The following GABRG1 variants were observed in gnomAD, a reference collection of about 807,000 sequenced individuals.
GABRG1 encodes gamma-aminobutyric acid receptor subunit gamma-1.
Under a neutral mutation model 49.8 loss-of-function variants are expected in GABRG1, and 49 were observed. The ratio of observed to expected loss-of-function variants is 0.98; its 90% CI spans 0.78 to 1.25. The LOEUF is 1.25. Ranked by LOEUF, GABRG1 falls within the 50% of genes most tolerant of loss-of-function variation. The probability of loss-of-function intolerance (pLI) is 0.00; values close to 1 mark genes in which losing one functional copy is unlikely to be tolerated. For missense variants in GABRG1, 552 were observed against 552.3 expected, an observed-to-expected ratio of 1.00 and a Z score of 0.01; for synonymous variants, 232 against 185.1, an observed-to-expected ratio of 1.25 and a Z score of -2.06.
intron 3 of GABRG1, among the ~76,000 whole-genome samples, chr4:46,069,204 A>G (rs1719027613): frequency 6.6e-6 from 1 of 152,044 alleles, no homozygotes; most frequent in Non-Finnish European, 1.5e-5. Flanking sequence ...CAATTAACCT[A>G]GGTGCATAAT....
intron 7 of GABRG1, among the ~76,000 whole-genome samples, chr4:46,052,136 A>G (rs1003287148): frequency 6.6e-6 from 1 of 151,834 alleles, no homozygotes; most frequent in African/African-American, 2.4e-5. Context: ...AAAACATTAG[A>G]TAATATTGGA....
At chr4:46,068,572 A>T (rs1023284568) in intron 3 of GABRG1, among the ~76,000 whole-genome samples, 1 of 152,042 alleles carries the variant, frequency 6.6e-6, no homozygotes, top group Non-Finnish European at 1.5e-5. Context: ...GAAGAGAAAG[A>T]CTCAGAGCAT....
chr4:46,106,697 TC>T (rs2109437701), intron 1 of GABRG1, among the ~76,000 whole-genome samples: 1 of 151,508 alleles, frequency 6.6e-6, no homozygotes. Context: ...ACCTAACACC[TC>T]CTTTCCTTGT....
chr4:46,077,714 A>G (rs962658861), intron 3 of GABRG1, among the ~76,000 whole-genome samples: 1 of 151,892 alleles, frequency 6.6e-6, no homozygotes, highest in African/African-American at 2.4e-5. Flanking sequence ...AAAGGATGAC[A>G]TATCTTTTCT....
intron 2 of GABRG1, among the ~76,000 whole-genome samples, chr4:46,085,973 A>G (rs1416268996): frequency 1.3e-5 from 2 of 151,616 alleles, no homozygotes; most frequent in Admixed American, 6.6e-5. Context: ...AGCACAGACT[A>G]TGTTTAATTC....
intron 2 of GABRG1, among the ~76,000 whole-genome samples, chr4:46,087,027 T>G (rs1232170365): frequency 6.6e-6 from 1 of 151,760 alleles, no homozygotes; most frequent in Non-Finnish European, 1.5e-5. Flanking sequence ...TTCTCATAAA[T>G]GTACCAACTG....
chr4:46,113,152 T>C (rs914143664), intron 1 of GABRG1, among the ~76,000 whole-genome samples: 2 of 151,138 alleles, frequency 1.3e-5, no homozygotes, highest in Non-Finnish European at 3.0e-5. Context: ...GGCTTATTTG[T>C]TTCTCTATGT....
chr4:46,066,976 T>G (rs1033981139), intron 3 of GABRG1, among the ~76,000 whole-genome samples: 4 of 151,876 alleles, frequency 2.6e-5, no homozygotes, highest in Admixed American at 2.0e-4. Flanking sequence ...AAAATAGGTA[T>G]TATATAAGTT....
At chr4:46,064,368 T>C in intron 5 of GABRG1, 73 bp downstream of exon 5, 2 of 801,844 alleles carry the variant, frequency 2.5e-6, no homozygotes, top group Non-Finnish European at 4.0e-6. Context: ...TTTTATTTTC[T>C]TTCTTTTCAT....
At chr4:46,084,639 C>A (rs1323661365) in intron 2 of GABRG1, among the ~76,000 whole-genome samples, 4 of 151,614 alleles carry the variant, frequency 2.6e-5, no homozygotes, top group Non-Finnish European at 3.0e-5. Flanking sequence ...ATAAAACACA[C>A]AACACTTACA....
rs76139074 is a variant in GABRG1 at position 46,093,905 on chromosome 4, A to G, written c.253+3296T>C. Reference sequence around the variant, plus strand: ...ATTTTTAACACACCTCTCTCAGTAGATGTATAGGATTATACATCTATACAT... The same window carrying G: ...ATTTTTAACACACCTCTCTCAGTAGGTGTATAGGATTATACATCTATACAT... On this transcript the variant is annotated intron_variant, in intron 2 of 8. Transcript: ENST00000295452. Among the ~76,000 whole-genome samples the G allele has an allele frequency of 6.1e-3, 932 of 152,076 alleles. 9 individuals carry two copies. The highest frequency in any genetic ancestry group is 0.021 in the African/African-American group (888 of 41,530).
rs1486524932 is a variant in GABRG1, at chr4:46,036,239, C to G, written c.*4749G>C. 6.6e-6 allele frequency: 1 copy of G among 151,836 alleles called. No homozygotes were observed. The highest frequency in any genetic ancestry group is 1.5e-5 in the Non-Finnish European group (1 of 67,804). 9.4% of individuals were successfully genotyped at this position (151,836 alleles called of 1,614,324 possible). ...TCAACTTTCTGGATTTGTCTACACA[C>G]AGTAGACTATTTCTACCTGCAATTC... On this transcript the variant is annotated 3_prime_UTR_variant, in exon 9 of 9. Coordinates refer to ENST00000295452, the MANE Select transcript of GABRG1 (RefSeq NM_173536.4).
At chr4:46,073,375 T>A (rs988392259) in intron 3 of GABRG1, among the ~76,000 whole-genome samples, 3 of 152,038 alleles carry the variant, frequency 2.0e-5, no homozygotes, top group Middle Eastern at 3.2e-3. Flanking sequence ...TCCACAATTT[T>A]AAACTCTTTA....
chr4:46,114,295 T>C (rs917872082), intron 1 of GABRG1, among the ~76,000 whole-genome samples: 2 of 150,954 alleles, frequency 1.3e-5, no homozygotes, highest in African/African-American at 2.4e-5. Context: ...ATCCACTCAA[T>C]ACTATGATTA....
At chr4:46,087,274 T>A (rs1435779750) in intron 2 of GABRG1, among the ~76,000 whole-genome samples, 1 of 151,668 alleles carries the variant, frequency 6.6e-6, no homozygotes. Context: ...TGAATCATCC[T>A]TCTGTGAATA....
At chr4:46,123,124 A>G (rs2109450691) in intron 1 of GABRG1, among the ~76,000 whole-genome samples, 1 of 151,248 alleles carries the variant, frequency 6.6e-6, no homozygotes, top group South Asian at 2.1e-4. Context: ...ACACACACAC[A>G]CACACACACA....
intron 8 of GABRG1, among the ~76,000 whole-genome samples, chr4:46,046,190 T>G (rs1417921419): frequency 6.6e-6 from 1 of 152,100 alleles, no homozygotes; most frequent in Non-Finnish European, 1.5e-5. Flanking sequence ...TTAAAATTAA[T>G]TTTTTTAAAT....
intron 8 of GABRG1, among the ~76,000 whole-genome samples, chr4:46,046,910 G>C (rs1039422995): frequency 1.3e-5 from 2 of 152,070 alleles, no homozygotes; most frequent in African/African-American, 4.8e-5. Context: ...GCGCTAACAA[G>C]ACAAAATGTA....
intron 2 of GABRG1, among the ~76,000 whole-genome samples, chr4:46,096,965 G>A (rs879644725): frequency 3.3e-5 from 5 of 151,422 alleles, no homozygotes; most frequent in East Asian, 1.9e-4. Flanking sequence ...ATCAAAACTC[G>A]GTCAGATATT....
Sources: gnomAD v4.1 joint callset for allele counts (sites outside exome capture counted in the v4.1 genomes callset) on GRCh38, gnomAD v4.1.1 for gene constraint, MANE v1.5 for transcripts, NCBI Gene and HGNC (gene_info 2026-07-23, HGNC 2026-07-21) for gene names.